Variants in ATP9B observed in about 807,000 individuals in gnomAD.
ATP9B encodes the protein probable phospholipid-transporting ATPase IIB.
ATP9B carries 110 observed loss-of-function variants against 146.1 expected under a neutral mutation model. The observed-to-expected ratio is 0.75, with a 90% CI of 0.65 to 0.88. The LOEUF (loss-of-function observed/expected upper bound fraction) is 0.88. Among genes scored for constraint, ATP9B ranks in the 40% least tolerant of loss-of-function variants. The pLI is 0.00. For synonymous variants in ATP9B, 604 were observed against 569.7 expected (o/e 1.06, Z -0.86); for missense variants, 1,499 against 1,496.4 (o/e 1.00, Z -0.03).
At chr18:79,201,153 C>G (rs779362835) in intron 9 of ATP9B, among the ~76,000 whole-genome samples, 1 of 152,216 alleles carries the variant, frequency 6.6e-6, no homozygotes, top group Non-Finnish European at 1.5e-5. Flanking sequence ...TTCATTCACA[C>G]AGATAGCCTT....
At chr18:79,370,841 C>A (rs1293961199) in intron 26 of ATP9B, among the ~76,000 whole-genome samples, 2 of 152,186 alleles carry the variant, frequency 1.3e-5, no homozygotes, top group African/African-American at 4.8e-5. Context: ...AAACTGAATA[C>A]ATTTCAGCAA....
intron 11 of ATP9B, among the ~76,000 whole-genome samples, chr18:79,231,674 C>T (rs1255304477): frequency 6.6e-6 from 1 of 151,860 alleles, no homozygotes; most frequent in Admixed American, 6.6e-5. Flanking sequence ...GCAAAAAAGA[C>T]ACTTGCACAC....
intron 14 of ATP9B, 70 bp downstream of exon 14, chr18:79,303,786 G>A (rs1221423391): frequency 2.5e-5 from 27 of 1,101,442 alleles, no homozygotes; most frequent in African/African-American, 3.1e-5. Context: ...GCTGAGCCTC[G>A]TGTGTTCCCA....
At chr18:79,272,212 T>C (rs2096263208) in intron 12 of ATP9B, among the ~76,000 whole-genome samples, 2 of 152,236 alleles carry the variant, frequency 1.3e-5, no homozygotes, top group Non-Finnish European at 2.9e-5. Context: ...GTATTTTCTG[T>C]GTCTTAGGAC....
intron 19 of ATP9B, among the ~76,000 whole-genome samples, chr18:79,339,130 T>TTAGGAAATGTGTCATGACTGAAG (rs2096842858): frequency 6.9e-6 from 1 of 144,582 alleles, no homozygotes; most frequent in Non-Finnish European, 1.5e-5. Context: ...CATGATCGAA[T>TTAGGAAATGTGTCATGACTGAAG]TAGGAAATGT....
chr18:79,152,275 A>G (rs909854739), intron 6 of ATP9B, among the ~76,000 whole-genome samples: 2 of 152,218 alleles, frequency 1.3e-5, no homozygotes, highest in African/African-American at 2.4e-5. Context: ...TATGAAGTCT[A>G]ATAAGATTCA....
intron 7 of ATP9B, among the ~76,000 whole-genome samples, chr18:79,158,233 C>T (rs1453346977): frequency 6.6e-6 from 1 of 151,774 alleles, no homozygotes; most frequent in African/African-American, 2.4e-5. Flanking sequence ...GTGATATCTT[C>T]TTTGATTCAT....
intron 12 of ATP9B, among the ~76,000 whole-genome samples, chr18:79,269,076 T>A (rs2096231506): frequency 6.6e-6 from 1 of 152,232 alleles, no homozygotes; most frequent in South Asian, 2.1e-4. Flanking sequence ...TTTGTTGGGC[T>A]TCTTGACTCT....
At chr18:79,167,798 G>A (rs902562799) in intron 7 of ATP9B, among the ~76,000 whole-genome samples, 6 of 152,198 alleles carry the variant, frequency 3.9e-5, no homozygotes, top group African/African-American at 1.4e-4. Flanking sequence ...GAGGCTTCAG[G>A]TTGTTCCTGG....
chr18:79,352,916 A>C (rs2015612), intron 25 of ATP9B: 43,715 of 152,252 alleles, frequency 0.29, 6,566 homozygotes, highest in East Asian at 0.52. Flanking sequence ...AAATACTTTC[A>C]GTACATATCT....
intron 1 of ATP9B, among the ~76,000 whole-genome samples, chr18:79,088,868 G>A (rs2074070102): frequency 6.6e-6 from 1 of 152,224 alleles, no homozygotes; most frequent in Admixed American, 6.5e-5. Flanking sequence ...AGAAACCATG[G>A]TTAAAGTTTA....
chr18:79,141,919 C>T (rs927507214), intron 5 of ATP9B, among the ~76,000 whole-genome samples: 2 of 152,170 alleles, frequency 1.3e-5, no homozygotes, highest in Non-Finnish European at 2.9e-5. Context: ...ACTTTCCTCC[C>T]CTGTGTTCTC....
intron 11 of ATP9B, among the ~76,000 whole-genome samples, chr18:79,248,846 C>T (rs1370136229): frequency 6.6e-6 from 1 of 152,062 alleles, no homozygotes; most frequent in Non-Finnish European, 1.5e-5. Context: ...GTTTGGATGC[C>T]GACATCCTGT....
chr18:79,200,454 A>G (rs1170980539), intron 9 of ATP9B, among the ~76,000 whole-genome samples: 2 of 152,238 alleles, frequency 1.3e-5, no homozygotes, highest in East Asian at 1.9e-4. Context: ...GAAGAACACT[A>G]TTCATGAAGT....
chr18:79,359,521 A>T, intron 26 of ATP9B, 59 bp downstream of exon 26: 1 of 1,327,324 alleles, frequency 7.5e-7, no homozygotes, highest in Non-Finnish European at 1.1e-6. Flanking sequence ...AGCATTTTAC[A>T]CGAGTGAGAA....
intron 11 of ATP9B, among the ~76,000 whole-genome samples, chr18:79,216,630 C>G (rs2095629298): frequency 6.6e-6 from 1 of 152,206 alleles, no homozygotes; most frequent in South Asian, 2.1e-4. Flanking sequence ...TCTGTACTGT[C>G]AGCTACCACG....
intron 12 of ATP9B, among the ~76,000 whole-genome samples, chr18:79,275,763 C>T (rs2096301452): frequency 6.6e-6 from 1 of 152,164 alleles, no homozygotes; most frequent in Non-Finnish European, 1.5e-5. Flanking sequence ...GTCATCTTCG[C>T]TTAGTGCTTG....
intron 8 of ATP9B, among the ~76,000 whole-genome samples, chr18:79,187,385 G>A (rs549395240): frequency 4.5e-4 from 69 of 152,258 alleles, no homozygotes; most frequent in African/African-American, 1.5e-3. Context: ...GGGGAGGTTC[G>A]GAAGGAAAGG....
rs558085113 is a variant in ATP9B at position 79,245,791 on chromosome 18, TACTG to T, written c.1108-7584_1108-7581del. Among the ~76,000 whole-genome samples, 665 of 140,666 alleles carry T rather than the reference TACTG, an allele frequency of 4.7e-3. 17 individuals carry two copies. Among genetic ancestry groups the T allele is most frequent in the African/African-American group, 0.017 (631 of 36,400 alleles). 92.3% of individuals were successfully genotyped at this position (140,666 alleles called of 152,430 possible). A position where few individuals can be genotyped will look rare whatever the true frequency, so the allele number is the denominator to read the frequency against. ...CTACTGACTGAGGAGGGCACCACCC[TACTG>T]ACTGAGGAGGGTACCACCCTACTGA... On this transcript the variant is annotated intron_variant, in intron 11 of 29. Coordinates refer to ENST00000426216, the MANE Select transcript of ATP9B (RefSeq NM_198531.5).
Sources: gnomAD v4.1 joint callset for allele counts (sites outside exome capture counted in the v4.1 genomes callset) on GRCh38, gnomAD v4.1.1 for gene constraint, MANE v1.5 for transcripts, NCBI Gene and HGNC (gene_info 2026-07-23, HGNC 2026-07-21) for gene names.